The following KANK1 variants were observed in gnomAD, a reference collection of about 807,000 sequenced individuals.
The protein encoded by KANK1 is KN motif and ankyrin repeat domain-containing protein 1.
KANK1 carries 109 observed loss-of-function variants against 106.2 expected under a neutral mutation model. The ratio of observed to expected loss-of-function variants is 1.03; its 90% confidence interval spans 0.88 to 1.20. KANK1 has a LOEUF of 1.20. Ranked by LOEUF, KANK1 falls within the 50% of genes most tolerant of loss-of-function variation. KANK1 has a pLI of 0.00. For synonymous variants in KANK1, 873 were observed against 652.2 expected (o/e 1.34, Z -5.16); for missense variants, 2,399 against 1,710.7 (o/e 1.40, Z -7.10).
Position 677,007 on chromosome 9 carries a change from C to T in KANK1, c.35C>T (p.Ser12Leu), listed in dbSNP as rs140469008. 170 of 1,613,448 alleles carry T rather than the reference C, an allele frequency of 1.1e-4. No homozygotes were observed. Among genetic ancestry groups the T allele is most frequent in the Admixed American group, 1.5e-4 (9 of 59,980 alleles). Residue 12 changes from serine to leucine, a missense_variant and splice_region_variant, in exon 2 of 12, where the codon TCA becomes TTA. By Grantham distance (145) the Ser-to-Leu change is moderately radical (BLOSUM62 -2). Coordinates refer to ENST00000382297, the MANE Select transcript of KANK1 (RefSeq NM_015158.5). Reference protein sequence around the residue: ...AHTTKVNGSASGKAGDILSGD... With the variant: ...AHTTKVNGSALGKAGDILSGD... ...ACCACAAAGGTTAACGGCAGTGCCT[C>T]AGGTAACCCTGTGCTCTGGAGTTTG... is the stretch of plus-strand genomic sequence containing the variant.
chr9:745,633 C>T lies in KANK1; in HGVS notation c.*398C>T, dbSNP rs1376731170. The T allele has an allele frequency of 6.5e-6, 1 of 154,060 alleles. No homozygotes were observed. The highest frequency in any genetic ancestry group is 1.4e-5 in the Non-Finnish European group (1 of 69,406). 9.5% of individuals were successfully genotyped at this position (154,060 alleles called of 1,614,324 possible). On this transcript the variant is annotated 3_prime_UTR_variant, in exon 12 of 12. Coordinates refer to ENST00000382297, the MANE Select transcript of KANK1 (RefSeq NM_015158.5). ...ATGTGGAACCATTAGAAAGTTCTTCCAAAATCTCATTCCAGCATAGTTTTG... is the reference window on the plus strand; with the variant it reads ...ATGTGGAACCATTAGAAAGTTCTTCTAAAATCTCATTCCAGCATAGTTTTG...
chr9:613,272 G>A (rs1210438982), intron 1 of KANK1, among the ~76,000 whole-genome samples: 1 of 150,504 alleles, frequency 6.6e-6, no homozygotes, highest in African/African-American at 2.4e-5. Context: ...CACCATATAG[G>A]GACAAGTGGA....
intron 1 of KANK1, among the ~76,000 whole-genome samples, chr9:641,763 C>T (rs919843981): frequency 2.0e-5 from 3 of 152,264 alleles, no homozygotes; most frequent in Non-Finnish European, 4.4e-5. Context: ...TACCAGCTTA[C>T]CCTGATCGTA....
intron 2 of KANK1, chr9:693,368 G>A: frequency 3.0e-6 from 3 of 984,994 alleles, no homozygotes; most frequent in Non-Finnish European, 3.6e-6. Flanking sequence ...GAAAGAGGGA[G>A]TAAGTCAGCA....
At chr9:544,773 C>G (rs1419807387) in intron 1 of KANK1, among the ~76,000 whole-genome samples, 2 of 106,814 alleles carry the variant, frequency 1.9e-5, no homozygotes, top group African/African-American at 7.4e-5. Flanking sequence ...GGGGAGCATC[C>G]TGTGTTTAGA....
At chr9:572,326 G>C (rs767718654) in intron 1 of KANK1, among the ~76,000 whole-genome samples, 1 of 151,476 alleles carries the variant, frequency 6.6e-6, no homozygotes, top group Non-Finnish European at 1.5e-5. Flanking sequence ...CAGCTATTTC[G>C]GATCATGAGG....
chr9:547,529 C>G (rs750679637), intron 1 of KANK1, among the ~76,000 whole-genome samples: 1 of 148,166 alleles, frequency 6.7e-6, no homozygotes, highest in African/African-American at 2.4e-5. Flanking sequence ...GATGGGGAGA[C>G]GGATTAAAAT....
At chr9:670,176 G>A (rs960392415) in intron 1 of KANK1, among the ~76,000 whole-genome samples, 5 of 152,070 alleles carry the variant, frequency 3.3e-5, no homozygotes, top group African/African-American at 1.2e-4. Flanking sequence ...CTGCTATTTT[G>A]AATTCTTGGT....
At chr9:580,236 C>T (rs1313020501) in intron 1 of KANK1, among the ~76,000 whole-genome samples, 5 of 151,548 alleles carry the variant, frequency 3.3e-5, no homozygotes, top group African/African-American at 4.9e-5. Flanking sequence ...TCATTCCTCC[C>T]GGTGGGTTCG....
chr9:581,519 A>AG (rs1480654674), intron 1 of KANK1, among the ~76,000 whole-genome samples: 1 of 49,152 alleles, frequency 2.0e-5, no homozygotes, highest in Non-Finnish European at 4.2e-5. Flanking sequence ...GCTATGAACC[A>AG]TTCTTCATTA....
intron 1 of KANK1, among the ~76,000 whole-genome samples, chr9:647,732 A>C (rs1290480494): frequency 6.6e-6 from 1 of 150,840 alleles, no homozygotes; most frequent in African/African-American, 2.5e-5. Context: ...TTAACTCAGA[A>C]CAACAAATAC....
intron 6 of KANK1, chr9:734,273 T>C (rs770030419): frequency 6.1e-6 from 1 of 163,276 alleles, no homozygotes; most frequent in Non-Finnish European, 1.3e-5. Flanking sequence ...GACGTAACCC[T>C]TAGACCCCTA....
intron 1 of KANK1, among the ~76,000 whole-genome samples, chr9:578,358 T>C (rs958718998): frequency 1.3e-5 from 2 of 151,996 alleles, no homozygotes; most frequent in African/African-American, 2.4e-5. Flanking sequence ...TGTGTTTGCC[T>C]TTGCTAAGCC....
At chr9:475,878 A>C (rs962510619) in intron 3 of KANK1, among the ~76,000 whole-genome samples, 2 of 151,938 alleles carry the variant, frequency 1.3e-5, no homozygotes, top group Non-Finnish European at 2.9e-5. Flanking sequence ...TTTGAAACAG[A>C]GTCTCACTCT....
chr9:620,991 C>T (rs929927720), intron 1 of KANK1, among the ~76,000 whole-genome samples: 2 of 152,130 alleles, frequency 1.3e-5, no homozygotes, highest in Admixed American at 6.5e-5. Flanking sequence ...GAATCAAATT[C>T]TCTAATTTAT....
intron 1 of KANK1, among the ~76,000 whole-genome samples, chr9:571,863 T>C (rs796832105): frequency 2.6e-5 from 4 of 152,192 alleles, no homozygotes; most frequent in African/African-American, 4.8e-5. Context: ...AAAATTCTTA[T>C]GTATTTGGTA....
At chr9:729,082 G>T (rs1831515124) in intron 3 of KANK1, among the ~76,000 whole-genome samples, 1 of 152,158 alleles carries the variant, frequency 6.6e-6, no homozygotes, top group African/African-American at 2.4e-5. Context: ...TACAGAGTTT[G>T]ACTCTTTTCA....
At chr9:566,592 C>T (rs551307557) in intron 1 of KANK1, among the ~76,000 whole-genome samples, 4 of 152,256 alleles carry the variant, frequency 2.6e-5, no homozygotes, top group South Asian at 4.2e-4. Context: ...TTGTTATTTG[C>T]GTTTCTCTAA....
chr9:505,060 C>T (rs1162123036), intron 1 of KANK1, among the ~76,000 whole-genome samples: 4 of 151,850 alleles, frequency 2.6e-5, no homozygotes, highest in Admixed American at 6.6e-5. Flanking sequence ...GAGAGGCGCG[C>T]CGGGCACGGA....
Sources: gnomAD v4.1 joint callset for allele counts (sites outside exome capture counted in the v4.1 genomes callset) on GRCh38, gnomAD v4.1.1 for gene constraint, MANE v1.5 for transcripts, NCBI Gene and HGNC (gene_info 2026-07-23, HGNC 2026-07-21) for gene names.